Variants in RCAN2 observed in about 807,000 individuals in gnomAD.
RCAN2 encodes calcipressin-2.
A neutral mutation model predicts 23.6 loss-of-function variants in RCAN2; 9 were observed. The observed-to-expected ratio is 0.38, with a 90% CI of 0.23 to 0.67. The LOEUF (loss-of-function observed/expected upper bound fraction) is 0.67, where lower values mean the gene tolerates loss of function less well. Ranked by LOEUF, RCAN2 falls within the 30% of genes least tolerant of loss-of-function variation. RCAN2 has a pLI of 0.51. For synonymous variants in RCAN2, 109 were observed against 115.7 expected (o/e 0.94, Z 0.37); for missense variants, 273 against 302.3 (o/e 0.90, Z 0.72).
At chr6:46,445,244 AC>A (rs970623866) in intron 2 of RCAN2, among the ~76,000 whole-genome samples, 1 of 151,960 alleles carries the variant, frequency 6.6e-6, no homozygotes, top group African/African-American at 2.4e-5. Flanking sequence ...CTCTAGGTCC[AC>A]CCCCATAGAA....
intron 2 of RCAN2, among the ~76,000 whole-genome samples, chr6:46,369,918 A>G (rs897748159): frequency 6.6e-6 from 1 of 152,190 alleles, no homozygotes; most frequent in Non-Finnish European, 1.5e-5. Context: ...ACCAACACTT[A>G]GAACCCTTAG....
At chr6:46,470,225 A>G (rs963739669) in intron 1 of RCAN2, among the ~76,000 whole-genome samples, 7 of 152,224 alleles carry the variant, frequency 4.6e-5, no homozygotes, top group Admixed American at 3.9e-4. Context: ...GAGAAATACA[A>G]CTAGAACATT....
At chr6:46,345,387 A>C (rs550793193) in intron 2 of RCAN2, among the ~76,000 whole-genome samples, 2 of 152,144 alleles carry the variant, frequency 1.3e-5, no homozygotes, top group Non-Finnish European at 2.9e-5. Flanking sequence ...TCCGAAAACA[A>C]ACTTGACCTA....
chr6:46,232,788 C>T (rs1271229622), intron 4 of RCAN2, among the ~76,000 whole-genome samples: 2 of 57,480 alleles, frequency 3.5e-5, no homozygotes, highest in African/African-American at 1.1e-4. Context: ...GCAAGACTGT[C>T]TCAAAAAAAA....
intron 2 of RCAN2, among the ~76,000 whole-genome samples, chr6:46,444,707 A>C (rs1031334393): frequency 6.6e-6 from 1 of 152,118 alleles, no homozygotes; most frequent in Non-Finnish European, 1.5e-5. Flanking sequence ...TTCATGCTCC[A>C]GCATATTCAT....
At chr6:46,398,057 C>T (rs534812733) in intron 2 of RCAN2, among the ~76,000 whole-genome samples, 23 of 151,952 alleles carry the variant, frequency 1.5e-4, no homozygotes, top group Non-Finnish European at 3.2e-4. Flanking sequence ...ACAGAATTAG[C>T]GAAGTGAAGA....
At chr6:46,416,201 A>T (rs1482963948) in intron 2 of RCAN2, among the ~76,000 whole-genome samples, 1 of 151,946 alleles carries the variant, frequency 6.6e-6, no homozygotes, top group Non-Finnish European at 1.5e-5. Flanking sequence ...GAATAAATCG[A>T]TTAAGTAAGA....
At chr6:46,232,790 CAAAAAAAAA>C (rs35457944) in intron 4 of RCAN2, among the ~76,000 whole-genome samples, 51 of 89,196 alleles carry the variant, frequency 5.7e-4, no homozygotes, top group African/African-American at 2.1e-3. Flanking sequence ...AAGACTGTCT[CAAAAAAAAA>C]AAAAAAAAAA....
intron 2 of RCAN2, among the ~76,000 whole-genome samples, chr6:46,433,710 C>T (rs901788442): frequency 7.9e-5 from 12 of 152,170 alleles, no homozygotes; most frequent in Non-Finnish European, 1.5e-4. Flanking sequence ...CTGCTGACAC[C>T]TAGATTTTAG....
At chr6:46,413,362 T>C (rs1003615213) in intron 2 of RCAN2, among the ~76,000 whole-genome samples, 27 of 152,200 alleles carry the variant, frequency 1.8e-4, no homozygotes, top group Admixed American at 8.5e-4. Context: ...ATTAGGCTAA[T>C]TAAATTAGAA....
At chr6:46,228,483 G>A (rs1367441255) in intron 4 of RCAN2, among the ~76,000 whole-genome samples, 1 of 152,128 alleles carries the variant, frequency 6.6e-6, no homozygotes, top group Non-Finnish European at 1.5e-5. Context: ...ATATATTTAG[G>A]ATAGTTAGCT....
At chr6:46,273,261 T>C (rs1030161278) in intron 2 of RCAN2, among the ~76,000 whole-genome samples, 4 of 152,242 alleles carry the variant, frequency 2.6e-5, no homozygotes, top group African/African-American at 9.6e-5. Flanking sequence ...CATTTAGTCT[T>C]GCTTCCACTA....
At chr6:46,285,465 G>T (rs778916500) in intron 2 of RCAN2, among the ~76,000 whole-genome samples, 1 of 152,144 alleles carries the variant, frequency 6.6e-6, no homozygotes, top group South Asian at 2.1e-4. Context: ...TTGCAAAGTC[G>T]CAAATAAAGA....
chr6:46,468,791 C>G, intron 1 of RCAN2: 1 of 984,760 alleles, frequency 1.0e-6, no homozygotes, highest in Non-Finnish European at 1.2e-6. Context: ...GTTCCAGAGC[C>G]TTGCTCACCT....
chr6:46,388,074 AG>A (rs1368750925), intron 2 of RCAN2, among the ~76,000 whole-genome samples: 5 of 146,600 alleles, frequency 3.4e-5, no homozygotes, highest in African/African-American at 1.2e-4. Context: ...GGACCCAGGA[AG>A]GGGAACATCA....
At chr6:46,457,730 C>A (rs569569229) in intron 1 of RCAN2, among the ~76,000 whole-genome samples, 1 of 152,100 alleles carries the variant, frequency 6.6e-6, no homozygotes, top group Admixed American at 6.5e-5. Flanking sequence ...ATTTGTGAAC[C>A]AGGTCCAGAT....
chr6:46,253,233 C>T (rs553103193), intron 2 of RCAN2, among the ~76,000 whole-genome samples: 1 of 152,318 alleles, frequency 6.6e-6, no homozygotes, highest in Admixed American at 6.5e-5. Context: ...GTGGAATTCA[C>T]ATTGGTGGAT....
intron 2 of RCAN2, among the ~76,000 whole-genome samples, chr6:46,303,046 G>T (rs1312060636): frequency 6.6e-6 from 1 of 151,992 alleles, no homozygotes; most frequent in Non-Finnish European, 1.5e-5. Flanking sequence ...GGGGCAGAAA[G>T]AAATTCATGA....
intron 2 of RCAN2, among the ~76,000 whole-genome samples, chr6:46,412,324 GAGA>G (rs1322507971): frequency 6.6e-6 from 1 of 152,128 alleles, no homozygotes; most frequent in Non-Finnish European, 1.5e-5. Context: ...TATTAAGTTT[GAGA>G]AGAAGTTCCA....
Sources: gnomAD v4.1 joint callset for allele counts (sites outside exome capture counted in the v4.1 genomes callset) on GRCh38, gnomAD v4.1.1 for gene constraint, MANE v1.5 for transcripts, NCBI Gene and HGNC (gene_info 2026-07-23, HGNC 2026-07-21) for gene names.